Variants in MYO18B observed in about 807,000 individuals in gnomAD.
MYO18B encodes unconventional myosin-XVIIIb.
Under a neutral mutation model 273.0 loss-of-function variants are expected in MYO18B, and 204 were observed. The observed-to-expected ratio is 0.75, with a 90% confidence interval of 0.67 to 0.84. The LOEUF (loss-of-function observed/expected upper bound fraction) is 0.84, where lower values mean the gene tolerates loss of function less well. Among genes scored for constraint, MYO18B ranks in the 40% least tolerant of loss-of-function variants. MYO18B has a pLI of 0.00. For synonymous variants in MYO18B, 1,330 were observed against 1,305.7 expected (o/e 1.02, Z -0.40); for missense variants, 3,212 against 3,287.6 (o/e 0.98, Z 0.56).
chr22:25,987,030 T>C (rs992653327), intron 39 of MYO18B, among the ~76,000 whole-genome samples: 1 of 152,208 alleles, frequency 6.6e-6, no homozygotes, highest in African/African-American at 2.4e-5. Context: ...TTCAAAAGTG[T>C]TTCGAGATAG....
intron 22 of MYO18B, among the ~76,000 whole-genome samples, chr22:25,869,013 C>T (rs1170176260): frequency 6.6e-6 from 1 of 152,106 alleles, no homozygotes; most frequent in Non-Finnish European, 1.5e-5. Context: ...CTGTGGAACC[C>T]CCAGCCTTTT....
chr22:25,946,196 G>A lies in MYO18B; in HGVS notation c.5577G>A (p.Ala1859=), dbSNP rs745484350. 1.5e-5 allele frequency: 24 copies of A among 1,584,268 alleles called. No individual in the cohort carries two copies. The highest frequency in any genetic ancestry group is 3.5e-5 in the South Asian group (3 of 85,964). Residue 1859 remains alanine (A), a synonymous_variant, in exon 35 of 44, where the codon GCG becomes GCA. Transcript: ENST00000335473. ...TGAAGACGCAGAAGGTGCTCACAGC[G>A]GACCTGGAGAGCATGCACAGCGAGC... ...EALKTQKVLT[A]DLESMHSELE...
At chr22:25,895,733 C>G (rs2091783252) in intron 28 of MYO18B, 1 of 152,872 alleles carries the variant, frequency 6.5e-6, no homozygotes, top group Non-Finnish European at 1.5e-5. Flanking sequence ...CCTCTCCTCT[C>G]AACCACCTGC....
chr22:25,849,427 A>G (rs1379628900), intron 20 of MYO18B, among the ~76,000 whole-genome samples: 1 of 152,214 alleles, frequency 6.6e-6, no homozygotes, highest in Non-Finnish European at 1.5e-5. Flanking sequence ...ATTTGTATGC[A>G]TACACAGATA....
intron 39 of MYO18B, among the ~76,000 whole-genome samples, chr22:25,961,742 A>G (rs2092920671): frequency 6.6e-6 from 1 of 152,244 alleles, no homozygotes; most frequent in Non-Finnish European, 1.5e-5. Context: ...TGCCAGATGC[A>G]CCTGTTTCAG....
chr22:25,792,973 G>T (rs2038324), intron 11 of MYO18B, among the ~76,000 whole-genome samples: 114,772 of 151,886 alleles, frequency 0.76, 43,530 homozygotes, highest in East Asian at 0.86. Flanking sequence ...TCAGTGGACT[G>T]GGAGCCCCTT....
At chr22:25,776,202 G>A (rs1197899070) in intron 7 of MYO18B, among the ~76,000 whole-genome samples, 1 of 152,210 alleles carries the variant, frequency 6.6e-6, no homozygotes, top group African/African-American at 2.4e-5. Flanking sequence ...CACCCATGTG[G>A]TTTTATTTAT....
At chr22:26,016,755 C>T (rs1935362814) in intron 42 of MYO18B, among the ~76,000 whole-genome samples, 1 of 152,142 alleles carries the variant, frequency 6.6e-6, no homozygotes, top group Non-Finnish European at 1.5e-5. Context: ...ATCTCCCAGT[C>T]TTGCTGGGAG....
chr22:25,799,454 A>G (rs1457220121), intron 12 of MYO18B, among the ~76,000 whole-genome samples: 1 of 152,074 alleles, frequency 6.6e-6, no homozygotes, highest in Non-Finnish European at 1.5e-5. Flanking sequence ...CCTTTGGTGC[A>G]TTGTATTATG....
At chr22:25,926,546 C>G (rs1450953929) in intron 34 of MYO18B, among the ~76,000 whole-genome samples, 1 of 152,196 alleles carries the variant, frequency 6.6e-6, no homozygotes, top group Non-Finnish European at 1.5e-5. Context: ...CCACCCACCT[C>G]AGCCTCCCAA....
chr22:25,930,557 C>G (rs2092484333), intron 34 of MYO18B, among the ~76,000 whole-genome samples: 1 of 151,302 alleles, frequency 6.6e-6, no homozygotes, highest in Non-Finnish European at 1.5e-5. Context: ...GTCATCCAGG[C>G]TGGAGTGCAG....
chr22:25,786,047 A>G (rs1350651970), intron 11 of MYO18B, among the ~76,000 whole-genome samples: 2 of 152,220 alleles, frequency 1.3e-5, no homozygotes, highest in African/African-American at 4.8e-5. Flanking sequence ...TGCTTAAAAA[A>G]GCAAATGGTT....
chr22:26,012,502 T>G (rs1038132834), intron 42 of MYO18B, among the ~76,000 whole-genome samples: 2 of 152,222 alleles, frequency 1.3e-5, no homozygotes, highest in African/African-American at 4.8e-5. Context: ...GAAAAGATTT[T>G]GAAACTGAAT....
chr22:25,946,392 G>A (rs1444212441), intron 35 of MYO18B, 142 bp downstream of exon 35: 9 of 561,638 alleles, frequency 1.6e-5, no homozygotes, highest in Non-Finnish European at 2.5e-5. Flanking sequence ...TGGAGGTACA[G>A]ACATCCATTG....
intron 33 of MYO18B, among the ~76,000 whole-genome samples, chr22:25,915,653 T>G (rs34816672): frequency 0.054 from 8,253 of 152,296 alleles, 516 homozygotes; most frequent in African/African-American, 0.15. Flanking sequence ...GAATATTATA[T>G]GTTTTTTCTG....
chr22:25,880,184 G>A lies in MYO18B; in HGVS notation c.4314+2136G>A, dbSNP rs1211695592. Among the ~76,000 whole-genome samples the A allele has an allele frequency of 3.9e-5, 6 of 152,168 alleles. No individual in the cohort carries two copies. In the East Asian group the frequency reaches 1.2e-3, roughly 29 times the overall value. On this transcript the variant is annotated intron_variant, in intron 25 of 43. Transcript: ENST00000335473. ...GGGGAAAGGGAGGCACTTGACTAGG[G>A]AATAAAATGTAAGGGGTCACCAAAA...
chr22:25,998,746 A>G (rs1209950926), intron 40 of MYO18B, among the ~76,000 whole-genome samples: 1 of 152,104 alleles, frequency 6.6e-6, no homozygotes, highest in Non-Finnish European at 1.5e-5. Flanking sequence ...TTTACTTTCT[A>G]GTTTGTCCCC....
At chr22:25,942,255 G>A (rs962694455) in intron 34 of MYO18B, among the ~76,000 whole-genome samples, 4 of 152,222 alleles carry the variant, frequency 2.6e-5, no homozygotes, top group African/African-American at 4.8e-5. Context: ...TGTTGGTAAC[G>A]TTGGTTTCCT....
At chr22:25,771,178 A>AG (rs1187369549) in intron 6 of MYO18B, among the ~76,000 whole-genome samples, 194 bp downstream of exon 6, 2 of 152,226 alleles carry the variant, frequency 1.3e-5, no homozygotes, top group African/African-American at 4.8e-5. Flanking sequence ...GGGTACTATT[A>AG]GGGGGTCATT....
Sources: gnomAD v4.1 joint callset for allele counts (sites outside exome capture counted in the v4.1 genomes callset) on GRCh38, gnomAD v4.1.1 for gene constraint, MANE v1.5 for transcripts, NCBI Gene and HGNC (gene_info 2026-07-23, HGNC 2026-07-21) for gene names.